LYN: variants seen among roughly 807,000 people sequenced by gnomAD.
LYN encodes LYN proto-oncogene, Src family tyrosine kinase.
In LYN, 12 loss-of-function variants were observed where a neutral mutation model predicts 65.0. The ratio of observed to expected loss-of-function variants is 0.18; its 90% CI spans 0.12 to 0.30. LYN has a LOEUF of 0.30. Ranked by LOEUF, LYN falls within the 10% of genes least tolerant of loss-of-function variation. LYN has a pLI of 1.00. For missense variants in LYN, 380 were observed against 623.2 expected, an observed-to-expected ratio of 0.61 and a Z score of 4.16; for synonymous variants, 222 against 221.2, an observed-to-expected ratio of 1.00 and a Z score of -0.03.
intron 12 of LYN, among the ~76,000 whole-genome samples, chr8:56,004,912 G>A (rs1343321029): frequency 6.6e-6 from 1 of 152,084 alleles, no homozygotes; most frequent in East Asian, 1.9e-4. Flanking sequence ...AGCCTCCTGA[G>A]TAGCTAGGAC....
At chr8:56,000,619 T>A (rs1808485903) in intron 12 of LYN, among the ~76,000 whole-genome samples, 1 of 151,034 alleles carries the variant, frequency 6.6e-6, no homozygotes, top group Admixed American at 6.6e-5. Flanking sequence ...TCCCACCTAC[T>A]TGGGAGGCTG....
At chr8:55,908,804 A>G (rs1047401076) in intron 1 of LYN, among the ~76,000 whole-genome samples, 1 of 151,762 alleles carries the variant, frequency 6.6e-6, no homozygotes, top group African/African-American at 2.4e-5. Flanking sequence ...CCATGTGTGC[A>G]GATTATTTAG....
intron 10 of LYN, among the ~76,000 whole-genome samples, chr8:55,995,502 T>C (rs547953190): frequency 5.3e-5 from 8 of 152,328 alleles, no homozygotes; most frequent in African/African-American, 1.9e-4. Flanking sequence ...CTGTGCTTAG[T>C]GCTGTGCTGT....
At chr8:55,922,197 C>G (rs1805964373) in intron 1 of LYN, among the ~76,000 whole-genome samples, 1 of 152,192 alleles carries the variant, frequency 6.6e-6, no homozygotes, top group Non-Finnish European at 1.5e-5. Context: ...AAGCAATTCT[C>G]TCACCTCAGC....
intron 1 of LYN, among the ~76,000 whole-genome samples, chr8:55,926,370 A>G (rs1585605874): frequency 6.6e-6 from 1 of 152,252 alleles, no homozygotes; most frequent in Admixed American, 6.5e-5. Context: ...CCTGTTGACT[A>G]TGCATGTATA....
intron 10 of LYN, among the ~76,000 whole-genome samples, chr8:55,992,919 CT>C (rs1808287807): frequency 6.6e-6 from 1 of 152,192 alleles, no homozygotes; most frequent in Non-Finnish European, 1.5e-5. Context: ...AAGGCCCCCC[CT>C]CTTAATACGA....
intron 4 of LYN, among the ~76,000 whole-genome samples, chr8:55,949,855 C>T (rs1806892755): frequency 6.6e-6 from 1 of 152,122 alleles, no homozygotes; most frequent in African/African-American, 2.4e-5. Flanking sequence ...GTGCAATCAT[C>T]ACCACAATCC....
chr8:55,927,918 G>T (rs921087333), intron 1 of LYN, among the ~76,000 whole-genome samples: 1 of 152,104 alleles, frequency 6.6e-6, no homozygotes, highest in African/African-American at 2.4e-5. Flanking sequence ...CAACTCACTT[G>T]GGTAAAAATC....
At position 55,947,614 on chromosome 8, in the gene LYN, T is replaced by C. The variant is rs1348662865; in HGVS notation, c.179-4T>C. ...TACAGGTGTTCTCTTGTGTTCATCT[T>C]TAGATCCAGAGGAACAAGGAGACAT... On this transcript the variant is annotated splice_region_variant and splice_polypyrimidine_tract_variant and intron_variant, in intron 3 of 12. Transcript: ENST00000519728. The C allele has an allele frequency of 5.0e-6, 8 of 1,595,490 alleles. No homozygotes were observed. Among genetic ancestry groups the C allele is most frequent in the Non-Finnish European group, 6.0e-6 (7 of 1,163,152 alleles).
At chr8:55,929,445 A>G (rs1585609024) in intron 1 of LYN, among the ~76,000 whole-genome samples, 1 of 152,236 alleles carries the variant, frequency 6.6e-6, no homozygotes, top group Non-Finnish European at 1.5e-5. Flanking sequence ...ATAGTGGCAG[A>G]TGTGATTTCT....
Position 55,906,514 on chromosome 8 carries a change from G to A in LYN, c.-6+26411G>A, listed in dbSNP as rs1438615305. Among the ~76,000 whole-genome samples, 8 of 151,982 alleles carry A rather than the reference G, an allele frequency of 5.3e-5. No homozygotes were observed. In the East Asian group the frequency reaches 1.2e-3, roughly 22 times the overall value. On this transcript the variant is annotated intron_variant, in intron 1 of 12. Transcript: ENST00000519728. ...TGGGATTACATGTGCCCACCACCAC[G>A]CCCAGCTAATTTTTGTATTTTTAGT...
chr8:55,890,807 A>AGT (rs1804937542), intron 1 of LYN, among the ~76,000 whole-genome samples: 3 of 151,092 alleles, frequency 2.0e-5, no homozygotes, highest in African/African-American at 7.3e-5. Flanking sequence ...AGCTCACTAT[A>AGT]GACTTGACTT....
At chr8:55,945,705 G>A (rs1467282527) in intron 2 of LYN, among the ~76,000 whole-genome samples, 1 of 152,108 alleles carries the variant, frequency 6.6e-6, no homozygotes, top group African/African-American at 2.4e-5. Context: ...GGTCTTCTGT[G>A]CCACCAAATC....
rs1392780150 is a variant in LYN at position 55,996,153 on chromosome 8, A to G, written c.1051-2193A>G. Among the ~76,000 whole-genome samples the G allele has an allele frequency of 2.0e-5, 3 of 152,248 alleles. No individual in the cohort carries two copies. The East Asian group carries it at 5.8e-4, about 29-fold the overall frequency. On this transcript the variant is annotated intron_variant, in intron 10 of 12. Transcript: ENST00000519728. ...GACACCACTGAGAGCATTAAACAGC[A>G]TAAAAATAATGACAAAGCTGTGATC...
chr8:56,004,141 A>G, intron 12 of LYN, among the ~76,000 whole-genome samples: 1 of 151,796 alleles, frequency 6.6e-6, no homozygotes, highest in East Asian at 1.9e-4. Flanking sequence ...CATGTTGGTC[A>G]GGCTGATCTT....
At chr8:55,914,249 G>A (rs909745478) in intron 1 of LYN, among the ~76,000 whole-genome samples, 3 of 152,016 alleles carry the variant, frequency 2.0e-5, no homozygotes, top group African/African-American at 7.2e-5. Flanking sequence ...GTGGAGTGGA[G>A]AAGAGATTGA....
intron 1 of LYN, among the ~76,000 whole-genome samples, chr8:55,914,428 G>C (rs1805728970): frequency 6.6e-6 from 1 of 152,114 alleles, no homozygotes; most frequent in Admixed American, 6.5e-5. Flanking sequence ...GAAAAAAGGA[G>C]AAGGCACTTA....
intron 11 of LYN, among the ~76,000 whole-genome samples, chr8:55,998,973 G>A (rs1808446027): frequency 6.6e-6 from 1 of 152,074 alleles, no homozygotes; most frequent in East Asian, 1.9e-4. Flanking sequence ...CCCACATTCT[G>A]TATTATATAT....
At chr8:55,890,521 G>A (rs1281434493) in intron 1 of LYN, among the ~76,000 whole-genome samples, 1 of 152,126 alleles carries the variant, frequency 6.6e-6, no homozygotes, top group African/African-American at 2.4e-5. Context: ...AAAATCATAT[G>A]GTAGTTCCTC....
Sources: gnomAD v4.1 joint callset for allele counts (sites outside exome capture counted in the v4.1 genomes callset) on GRCh38, gnomAD v4.1.1 for gene constraint, MANE v1.5 for transcripts, NCBI Gene and HGNC (gene_info 2026-07-23, HGNC 2026-07-21) for gene names.